The following OTUD7B variants were observed in gnomAD, a reference collection of about 807,000 sequenced individuals.
OTUD7B encodes OTU deubiquitinase 7B.
Under a neutral mutation model 82.2 loss-of-function variants are expected in OTUD7B, and 34 were observed. The observed-to-expected ratio is 0.41, with a 90% CI of 0.31 to 0.55. OTUD7B has a LOEUF of 0.55. OTUD7B is among the 20% of genes least tolerant of loss of function. The pLI is 0.20. For synonymous variants in OTUD7B, 398 were observed against 402.7 expected, an observed-to-expected ratio of 0.99 and a Z score of 0.14; for missense variants, 944 against 1,062.1, an observed-to-expected ratio of 0.89 and a Z score of 1.55.
chr1:150,032,753 C>T, the OTUD7B span, among the ~76,000 whole-genome samples: 2 of 152,006 alleles, frequency 1.3e-5, no homozygotes, highest in Non-Finnish European at 1.5e-5. Flanking sequence ...AGTATCTTCC[C>T]ACATTTTAAA....
intron 7 of OTUD7B, among the ~76,000 whole-genome samples, chr1:149,954,710 T>A (rs1553774190): frequency 6.6e-6 from 1 of 152,142 alleles, no homozygotes; most frequent in African/African-American, 2.4e-5. Context: ...TATTATTGCC[T>A]CAATTTCAGA....
intron 1 of OTUD7B, among the ~76,000 whole-genome samples, chr1:149,988,127 T>C (rs954446170): frequency 3.5e-4 from 54 of 152,180 alleles, no homozygotes; most frequent in African/African-American, 1.2e-3. Context: ...TGCATACTTC[T>C]GGGTTGTTTT....
In OTUD7B at chr1:149,940,997, T is replaced by C. The variant is rs2092758185; in HGVS notation, c.*2860A>G. On this transcript the variant is annotated 3_prime_UTR_variant, in exon 12 of 12. Coordinates refer to ENST00000581312, the MANE Select transcript of OTUD7B (RefSeq NM_020205.4). ...AGAGGTTTTTCAATGCCTCAATAAA[T>C]AGTTACCCTCCCAAATAAAAAAAAT... 6.6e-6 allele frequency: 1 copy of C among 152,020 alleles called. No individual in the cohort carries two copies. Among genetic ancestry groups the C allele is most frequent in the African/African-American group, 2.4e-5 (1 of 41,370 alleles). The allele number at this position is 152,020 out of a possible 1,614,324, so 9.4% of individuals were successfully genotyped here. A position where few individuals can be genotyped will look rare whatever the true frequency, so the allele number is the denominator to read the frequency against.
intron 2 of OTUD7B, among the ~76,000 whole-genome samples, chr1:149,974,618 C>T (rs1650178012): frequency 7.6e-6 from 1 of 132,120 alleles, no homozygotes; most frequent in Non-Finnish European, 1.5e-5. Context: ...GGCAGAATCT[C>T]GACTCACCGC....
intron 2 of OTUD7B, among the ~76,000 whole-genome samples, 163 bp from the exon 3 acceptor site, chr1:149,971,414 T>A (rs1200403616): frequency 6.6e-6 from 1 of 152,192 alleles, no homozygotes; most frequent in Non-Finnish European, 1.5e-5. Context: ...TCAATCTAAC[T>A]TATCAAATGT....
At chr1:150,026,637 G>C in the OTUD7B span, among the ~76,000 whole-genome samples, 1 of 152,100 alleles carries the variant, frequency 6.6e-6, no homozygotes, top group Non-Finnish European at 1.5e-5. Context: ...ATTTTTCTCG[G>C]GTTACAAGGT....
At chr1:149,968,317 T>C (rs1356863755) in intron 3 of OTUD7B, among the ~76,000 whole-genome samples, 1 of 151,908 alleles carries the variant, frequency 6.6e-6, no homozygotes, top group African/African-American at 2.4e-5. Flanking sequence ...GGGAACTTTC[T>C]TCCTACATCA....
In OTUD7B at chr1:149,964,140, T is replaced by C. The variant is rs1649349816; in HGVS notation, c.732+82A>G. Reference sequence around the variant, plus strand: ...TCACACTGACCTAAACACTTGGAAATATTTTCTACTGGCAGGCACCCAGTG... The same window carrying C: ...TCACACTGACCTAAACACTTGGAAACATTTTCTACTGGCAGGCACCCAGTG... On this transcript the variant is annotated intron_variant, in intron 6 of 11. Coordinates refer to ENST00000581312, the MANE Select transcript of OTUD7B (RefSeq NM_020205.4). The C allele has an allele frequency of 2.0e-6, 3 of 1,515,686 alleles. No individual in the cohort carries two copies. In the African/African-American group the frequency reaches 4.1e-5, roughly 21 times the overall value. 93.9% of individuals were successfully genotyped at this position (1,515,686 alleles called of 1,614,324 possible). A position where few individuals can be genotyped will look rare whatever the true frequency, so the allele number is the denominator to read the frequency against.
chr1:150,043,475 G>C, the OTUD7B span, among the ~76,000 whole-genome samples: 1 of 152,094 alleles, frequency 6.6e-6, no homozygotes, highest in East Asian at 1.9e-4. Context: ...AAATTAGAAG[G>C]AGATAGATTT....
the OTUD7B span, among the ~76,000 whole-genome samples, chr1:150,042,112 T>G: frequency 4.6e-5 from 1 of 21,514 alleles, no homozygotes; most frequent in African/African-American, 1.8e-4. Context: ...AGACCCTCCC[T>G]CCCTCCCTCC....
the OTUD7B span, among the ~76,000 whole-genome samples, chr1:150,033,620 A>C: frequency 6.7e-4 from 102 of 152,260 alleles, 5 homozygotes; most frequent in South Asian, 0.021. Flanking sequence ...TCTACTGCTC[A>C]TTTTACTATG....
intron 1 of OTUD7B, among the ~76,000 whole-genome samples, chr1:149,980,293 G>A (rs1283204024): frequency 6.6e-6 from 1 of 151,436 alleles, no homozygotes; most frequent in African/African-American, 2.4e-5. Flanking sequence ...TACATTTGAT[G>A]TCTCCAGGTG....
chr1:150,046,444 ATTTTTTTT>A, the OTUD7B span, among the ~76,000 whole-genome samples: 1 of 89,130 alleles, frequency 1.1e-5, no homozygotes, highest in African/African-American at 4.1e-5. Context: ...CTCCAGTGGC[ATTTTTTTT>A]TTTTTTTTTT....
chr1:149,969,512 C>A (rs781785298), intron 3 of OTUD7B, among the ~76,000 whole-genome samples: 1 of 152,046 alleles, frequency 6.6e-6, no homozygotes, highest in Admixed American at 6.5e-5. Context: ...CGATGGCTCA[C>A]GCCTGTAATC....
At chr1:149,976,147 T>C (rs1452276152) in intron 2 of OTUD7B, among the ~76,000 whole-genome samples, 1 of 152,182 alleles carries the variant, frequency 6.6e-6, no homozygotes, top group African/African-American at 2.4e-5. Flanking sequence ...AAATGTCTAA[T>C]TGTCACACCT....
intron 1 of OTUD7B, among the ~76,000 whole-genome samples, chr1:149,996,289 G>C (rs1317164877): frequency 6.6e-6 from 1 of 152,174 alleles, no homozygotes; most frequent in Non-Finnish European, 1.5e-5. Flanking sequence ...GAGGCAAGGG[G>C]AAGAGAGGAA....
chr1:150,002,715 G>A (rs1329988506), intron 1 of OTUD7B, among the ~76,000 whole-genome samples: 2 of 152,180 alleles, frequency 1.3e-5, no homozygotes, highest in Admixed American at 6.5e-5. Context: ...CTGTGATCCT[G>A]AGTAAACCTC....
rs587608473 is a variant in OTUD7B, at chr1:149,941,511, C to T, written c.*2346G>A. On this transcript the variant is annotated 3_prime_UTR_variant, in exon 12 of 12. Transcript: ENST00000581312. ...AGGGACGTAACTAGGGTGAGGTGAG[C>T]AAAGCACTCACCTTGGGCACAAAAT... 4 of 152,204 alleles carry T rather than the reference C, an allele frequency of 2.6e-5. No homozygotes were observed. The highest frequency in any genetic ancestry group is 2.0e-4 in the Admixed American group (3 of 15,284). 9.4% of individuals were successfully genotyped at this position (152,204 alleles called of 1,614,324 possible).
chr1:149,976,067 A>T (rs1298797674), intron 2 of OTUD7B, among the ~76,000 whole-genome samples: 1 of 152,068 alleles, frequency 6.6e-6, no homozygotes, highest in Admixed American at 6.6e-5. Context: ...GTTGTACTAA[A>T]TTACTAAACT....
Sources: gnomAD v4.1 joint callset for allele counts (sites outside exome capture counted in the v4.1 genomes callset) on GRCh38, gnomAD v4.1.1 for gene constraint, MANE v1.5 for transcripts, NCBI Gene and HGNC (gene_info 2026-07-23, HGNC 2026-07-21) for gene names.